Variants in RAPGEF4 observed in about 807,000 individuals in gnomAD.
The protein encoded by RAPGEF4 is Rap guanine nucleotide exchange factor 4.
RAPGEF4 carries 66 observed loss-of-function variants against 147.9 expected under a neutral mutation model. The ratio of observed to expected loss-of-function variants is 0.45; its 90% confidence interval spans 0.37 to 0.55. The LOEUF is 0.55. RAPGEF4 is among the 20% of genes least tolerant of loss of function. The pLI is 0.00. For missense variants in RAPGEF4, 1,071 were observed against 1,257.3 expected (o/e 0.85, Z 2.24); for synonymous variants, 419 against 442.7 (o/e 0.95, Z 0.67).
chr2:172,966,533 T>A (rs1689860828), intron 9 of RAPGEF4, among the ~76,000 whole-genome samples: 1 of 152,146 alleles, frequency 6.6e-6, no homozygotes, highest in Non-Finnish European at 1.5e-5. Flanking sequence ...GTCTTTACCT[T>A]TTGAGAGTAT....
intron 1 of RAPGEF4, among the ~76,000 whole-genome samples, chr2:172,746,652 G>T (rs951597145): frequency 2.0e-5 from 3 of 150,298 alleles, no homozygotes; most frequent in African/African-American, 7.4e-5. Flanking sequence ...TTACTCTGTC[G>T]CCCAGGCTGG....
rs377702796 is a variant in RAPGEF4, at chr2:172,751,839, A to C, written c.65+15791A>C. Among the ~76,000 whole-genome samples the C allele has an allele frequency of 5.9e-5, 9 of 152,284 alleles. 1 individual carries two copies. The South Asian group carries it at 6.2e-4, about 11-fold the overall frequency. On this transcript the variant is annotated intron_variant, in intron 1 of 30. Coordinates refer to ENST00000397081, the MANE Select transcript of RAPGEF4 (RefSeq NM_007023.4). Reference sequence around the variant, plus strand: ...TTTGGTAACAAGGCCTTTTTTTGGGAAAGTACCCATAGACTACTAACTGCT... The same window carrying C: ...TTTGGTAACAAGGCCTTTTTTTGGGCAAGTACCCATAGACTACTAACTGCT...
At chr2:172,859,580 G>A (rs1693796623) in intron 4 of RAPGEF4, among the ~76,000 whole-genome samples, 2 of 152,136 alleles carry the variant, frequency 1.3e-5, no homozygotes, top group Non-Finnish European at 2.9e-5. Context: ...TATGGAACTT[G>A]CTAAGTCATA....
chr2:172,829,872 C>T (rs958230441), intron 4 of RAPGEF4, among the ~76,000 whole-genome samples: 2 of 150,892 alleles, frequency 1.3e-5, no homozygotes, highest in Non-Finnish European at 2.9e-5. Context: ...AGGGATGATT[C>T]ACAACAGGTG....
chr2:172,831,407 T>G (rs1690335626), intron 4 of RAPGEF4, among the ~76,000 whole-genome samples: 1 of 151,638 alleles, frequency 6.6e-6, no homozygotes. Flanking sequence ...TAGCTGGGAT[T>G]ACAGGTGCCT....
At chr2:172,936,408 G>C (rs1402689912) in intron 6 of RAPGEF4, among the ~76,000 whole-genome samples, 2 of 152,146 alleles carry the variant, frequency 1.3e-5, no homozygotes. Flanking sequence ...CCAGAGCTCT[G>C]TGTGTTTATA....
chr2:172,848,631 AAGAT>A (rs1692473022), intron 4 of RAPGEF4, among the ~76,000 whole-genome samples: 1 of 152,186 alleles, frequency 6.6e-6, no homozygotes, highest in Non-Finnish European at 1.5e-5. Flanking sequence ...GTTCAGCTGG[AAGAT>A]TTTTATCATC....
At chr2:172,935,446 A>G (rs963518957) in intron 6 of RAPGEF4, among the ~76,000 whole-genome samples, 5 of 152,142 alleles carry the variant, frequency 3.3e-5, no homozygotes, top group African/African-American at 9.7e-5. Flanking sequence ...CTGTGCCCAG[A>G]AGGAGGAGGA....
At chr2:172,745,130 T>C (rs1459283295) in intron 1 of RAPGEF4, among the ~76,000 whole-genome samples, 1 of 152,172 alleles carries the variant, frequency 6.6e-6, no homozygotes, top group African/African-American at 2.4e-5. Context: ...ATTTCCTTTT[T>C]TCCTATTTTT....
At chr2:172,815,112 G>A (rs1037490913) in intron 4 of RAPGEF4, among the ~76,000 whole-genome samples, 2 of 152,158 alleles carry the variant, frequency 1.3e-5, no homozygotes, top group East Asian at 1.9e-4. Flanking sequence ...TTTTACACTC[G>A]TTCTTTTCAG....
At chr2:172,804,684 G>T (rs990587828) in intron 3 of RAPGEF4, among the ~76,000 whole-genome samples, 5 of 152,180 alleles carry the variant, frequency 3.3e-5, no homozygotes, top group Non-Finnish European at 7.4e-5. Flanking sequence ...GCTCCCAAGG[G>T]CACCTGCTCA....
At chr2:173,001,202 C>T (rs1693882712) in intron 16 of RAPGEF4, 64 bp from the exon 17 acceptor site, 2 of 1,604,698 alleles carry the variant, frequency 1.2e-6, no homozygotes, top group Non-Finnish European at 1.7e-6. Context: ...TGAATGGATA[C>T]TCTTGCTTTC....
At chr2:173,041,070 T>C (rs1392672520) in intron 29 of RAPGEF4, among the ~76,000 whole-genome samples, 1 of 152,170 alleles carries the variant, frequency 6.6e-6, no homozygotes, top group African/African-American at 2.4e-5. Context: ...ATGAGAAGCA[T>C]AGGGCAAACT....
intron 4 of RAPGEF4, among the ~76,000 whole-genome samples, chr2:172,831,882 GGC>G (rs1432791513): frequency 5.3e-5 from 8 of 152,164 alleles, no homozygotes; most frequent in African/African-American, 1.9e-4. Flanking sequence ...CACTCATCAA[GGC>G]AAGCATCCCT....
chr2:172,982,139 G>T (rs59492040), intron 10 of RAPGEF4, among the ~76,000 whole-genome samples: 1 of 152,036 alleles, frequency 6.6e-6, no homozygotes, highest in African/African-American at 2.4e-5. Flanking sequence ...ATTTTCAGAC[G>T]CTAAATCTAG....
intron 1 of RAPGEF4, among the ~76,000 whole-genome samples, chr2:172,769,877 G>C (rs1461014431): frequency 6.6e-6 from 1 of 152,088 alleles, no homozygotes; most frequent in African/African-American, 2.4e-5. Context: ...TCCAATATTT[G>C]TATTTGCAAA....
chr2:172,870,321 C>G (rs1256552460), intron 4 of RAPGEF4, among the ~76,000 whole-genome samples: 1 of 152,154 alleles, frequency 6.6e-6, no homozygotes, highest in Non-Finnish European at 1.5e-5. Flanking sequence ...CTGTTCTATT[C>G]TATTCTATGA....
At chr2:172,868,897 A>AG (rs1326100103) in intron 4 of RAPGEF4, among the ~76,000 whole-genome samples, 1 of 152,138 alleles carries the variant, frequency 6.6e-6, no homozygotes, top group African/African-American at 2.4e-5. Context: ...TGGAAGGTGA[A>AG]GGGGGAGCAG....
At chr2:172,912,301 G>A (rs536655355) in intron 4 of RAPGEF4, among the ~76,000 whole-genome samples, 2 of 152,238 alleles carry the variant, frequency 1.3e-5, no homozygotes, top group South Asian at 4.2e-4. Flanking sequence ...CATTTCATTA[G>A]ACAAAACCAT....
Sources: allele counts gnomAD v4.1 joint callset (sites outside exome capture counted in the v4.1 genomes callset), GRCh38; gene constraint gnomAD v4.1.1; transcripts MANE v1.5; gene names NCBI Gene and HGNC (gene_info 2026-07-23, HGNC 2026-07-21).